PLXNA4: variants seen among roughly 807,000 people sequenced by gnomAD.
The protein encoded by PLXNA4 is plexin-A4.
In PLXNA4, 44 loss-of-function variants were observed where a neutral mutation model predicts 191.8. The observed-to-expected ratio is 0.23, with a 90% CI of 0.18 to 0.29. The LOEUF is 0.29. PLXNA4 is among the 10% of genes least tolerant of loss of function. The pLI is 1.00. For synonymous variants in PLXNA4, 1,082 were observed against 1,009.5 expected (o/e 1.07, Z -1.36); for missense variants, 1,800 against 2,488.8 (o/e 0.72, Z 5.89).
At chr7:132,276,459 T>A (rs1800284869) in intron 4 of PLXNA4, among the ~76,000 whole-genome samples, 1 of 151,930 alleles carries the variant, frequency 6.6e-6, no homozygotes, top group Non-Finnish European at 1.5e-5. Context: ...TTCCCACCCT[T>A]TCCCTTGGCG....
At chr7:132,517,958 A>T (rs1216537171) in intron 1 of PLXNA4, among the ~76,000 whole-genome samples, 1 of 152,238 alleles carries the variant, frequency 6.6e-6, no homozygotes, top group Non-Finnish European at 1.5e-5. Context: ...CATTCAACAT[A>T]GCGTCTTCAG....
At chr7:132,141,645 C>T (rs1795272382) in intron 29 of PLXNA4, among the ~76,000 whole-genome samples, 1 of 152,180 alleles carries the variant, frequency 6.6e-6, no homozygotes, top group Non-Finnish European at 1.5e-5. Flanking sequence ...TCAAGCCTAC[C>T]CAGAGGGCAG....
intron 4 of PLXNA4, among the ~76,000 whole-genome samples, chr7:132,295,812 T>G (rs1041798676): frequency 2.0e-5 from 3 of 152,054 alleles, no homozygotes; most frequent in African/African-American, 7.2e-5. Context: ...AACAAGAGTC[T>G]CTCCATTTAA....
intron 4 of PLXNA4, among the ~76,000 whole-genome samples, chr7:132,256,082 A>T (rs1236563735): frequency 1.3e-5 from 2 of 152,186 alleles, no homozygotes; most frequent in African/African-American, 2.4e-5. Flanking sequence ...GTGTGCCGGC[A>T]TGTTGGGACA....
chr7:132,222,091 C>T (rs1798163003), intron 9 of PLXNA4, among the ~76,000 whole-genome samples: 1 of 152,198 alleles, frequency 6.6e-6, no homozygotes, highest in South Asian at 2.1e-4. Context: ...GTTTGCTCCC[C>T]TTGTCTGTTA....
At chr7:132,215,156 C>T (rs1043723327) in intron 9 of PLXNA4, among the ~76,000 whole-genome samples, 5 of 152,194 alleles carry the variant, frequency 3.3e-5, no homozygotes, top group African/African-American at 1.2e-4. Context: ...GATAACTCTG[C>T]CTAACTTAAA....
chr7:132,553,777 C>A (rs1800668985), intron 1 of PLXNA4, among the ~76,000 whole-genome samples: 1 of 152,172 alleles, frequency 6.6e-6, no homozygotes, highest in Non-Finnish European at 1.5e-5. Context: ...AGGGTCCCCA[C>A]TGATCTACAT....
chr7:132,167,542 A>AG (rs1554376726), intron 22 of PLXNA4, among the ~76,000 whole-genome samples: 1 of 150,926 alleles, frequency 6.6e-6, no homozygotes, highest in African/African-American at 2.4e-5. Flanking sequence ...TTATTTTTTA[A>AG]TTTTTTTTTA....
At chr7:132,385,385 A>G in intron 3 of PLXNA4, 1 of 1,459,124 alleles carries the variant, frequency 6.9e-7, no homozygotes, top group Non-Finnish European at 9.1e-7. Flanking sequence ...TTCTGTTTAC[A>G]GTAAATATGT....
At chr7:132,535,613 C>A (rs960869054) in intron 1 of PLXNA4, among the ~76,000 whole-genome samples, 1 of 152,170 alleles carries the variant, frequency 6.6e-6, no homozygotes, top group East Asian at 1.9e-4. Context: ...ATAGCCCACA[C>A]CTCACTGTCC....
At chr7:132,415,923 A>C (rs1794643650) in intron 3 of PLXNA4, among the ~76,000 whole-genome samples, 1 of 152,258 alleles carries the variant, frequency 6.6e-6, no homozygotes, top group Non-Finnish European at 1.5e-5. Context: ...TTTGATATAG[A>C]CTAGAGAGCA....
At chr7:132,194,930 AAT>A (rs1195787780) in intron 13 of PLXNA4, among the ~76,000 whole-genome samples, 2 of 151,860 alleles carry the variant, frequency 1.3e-5, no homozygotes, top group Non-Finnish European at 2.9e-5. Context: ...ATAATATATA[AAT>A]ATATATGTGT....
rs748489835 is a variant in PLXNA4, at chr7:132,146,562, C to A, written c.5003G>T (p.Arg1668Leu). ...HEHGDQKEGD[R>L]GSKMVSEIYL... Reference sequence around the variant, plus strand: ...GATTTCAGACACCATCTTGCTCCCCCGGTCCCCCTCCTTCTGGTCTCCGTG... The same window carrying A: ...GATTTCAGACACCATCTTGCTCCCCAGGTCCCCCTCCTTCTGGTCTCCGTG... The change falls in exon 28 of 32, where the codon CGG becomes CTG. Residue 1668 changes from arginine (R) to leucine (L), a missense_variant. Around this residue, in one of 6 missense-constraint regions of PLXNA4, gnomAD observed 214 missense variants for 298.2 expected, o/e 0.72. Coordinates refer to ENST00000321063, the MANE Select transcript of PLXNA4 (RefSeq NM_020911.2). The A allele has an allele frequency of 6.2e-7, 1 of 1,614,136 alleles. No individual in the cohort carries two copies. The highest frequency in any genetic ancestry group is 8.5e-7 in the Non-Finnish European group (1 of 1,180,022).
chr7:132,622,973 G>A (rs1444238676), intron 2 of PLXNA4, among the ~76,000 whole-genome samples: 1 of 152,160 alleles, frequency 6.6e-6, no homozygotes, highest in Non-Finnish European at 1.5e-5. Context: ...ATTTGTGCAG[G>A]CTATTGTTCC....
chr7:132,179,877 A>G lies in PLXNA4; in HGVS notation c.3684T>C (p.Ile1228=), dbSNP rs1448162310. Residue 1228 remains isoleucine (I), a synonymous_variant, in exon 20 of 32, where the codon ATT becomes ATC. Coordinates refer to ENST00000321063, the MANE Select transcript of PLXNA4 (RefSeq NM_020911.2). The stretch of plus-strand genomic sequence containing the variant: ...GCAGGCTGAGCGGGCTGTCCGGGGC[A>G]ATGTACACCATCCCCGGGGAGTACT... ...GMEYSPGMVY[I]APDSPLSLPA... 1.9e-6 allele frequency: 3 copies of G among 1,613,012 alleles called. No individual in the cohort carries two copies. Among genetic ancestry groups the G allele is most frequent in the African/African-American group, 1.3e-5 (1 of 75,058 alleles).
intron 3 of PLXNA4, among the ~76,000 whole-genome samples, chr7:132,425,382 T>C (rs1463308994): frequency 6.6e-6 from 1 of 152,040 alleles, no homozygotes; most frequent in African/African-American, 2.4e-5. Context: ...GACAGGGGAA[T>C]TGGTGAAAGT....
At chr7:132,137,408 AAATC>A (rs10616793) in intron 30 of PLXNA4, among the ~76,000 whole-genome samples, 58,035 of 151,898 alleles carry the variant, frequency 0.38, 16,479 homozygotes, top group African/African-American at 0.8. Flanking sequence ...AAATCAGAGG[AAATC>A]AATCACTACT....
At chr7:132,474,220 AC>A (rs1797038750) in intron 3 of PLXNA4, among the ~76,000 whole-genome samples, 1 of 127,240 alleles carries the variant, frequency 7.9e-6, no homozygotes, top group Non-Finnish European at 1.7e-5. Context: ...TGTCTCACAC[AC>A]ACACACACAC....
intron 2 of PLXNA4, among the ~76,000 whole-genome samples, chr7:132,607,241 G>C (rs1297596596): frequency 6.6e-6 from 1 of 152,204 alleles, no homozygotes; most frequent in Non-Finnish European, 1.5e-5. Context: ...CATGCCTTCT[G>C]AGCGTGGTTT....
Sources: allele counts gnomAD v4.1 joint callset (sites outside exome capture counted in the v4.1 genomes callset), GRCh38; gene constraint gnomAD v4.1.1; regional missense constraint gnomAD v4.1.1; transcripts MANE v1.5; gene names NCBI Gene and HGNC (gene_info 2026-07-23, HGNC 2026-07-21).